ACER3: variants seen among roughly 807,000 people sequenced by gnomAD.
ACER3 encodes the protein alkCDase 3.
Under a neutral mutation model 48.9 loss-of-function variants are expected in ACER3, and 16 were observed. The observed-to-expected ratio is 0.33, with a 90% CI of 0.22 to 0.50. ACER3 has a LOEUF of 0.50. Ranked by LOEUF, ACER3 falls within the 20% of genes least tolerant of loss-of-function variation. The pLI is 0.98. For missense variants in ACER3, 227 were observed against 326.0 expected (o/e 0.70, Z 2.34); for synonymous variants, 109 against 107.8 (o/e 1.01, Z -0.07).
At chr11:76,907,070 GT>G (rs925403607) in intron 1 of ACER3, among the ~76,000 whole-genome samples, 8 of 151,774 alleles carry the variant, frequency 5.3e-5, no homozygotes, top group African/African-American at 1.9e-4. Flanking sequence ...TTCTCTCACT[GT>G]TTTTTTTCAC....
At chr11:76,882,936 C>A (rs1352511540) in intron 1 of ACER3, among the ~76,000 whole-genome samples, 3 of 152,236 alleles carry the variant, frequency 2.0e-5, no homozygotes, top group East Asian at 3.9e-4. Context: ...ATTTAGGGAT[C>A]CCTTCTTTGT....
At chr11:76,939,658 C>T (rs1947286955) in intron 2 of ACER3, among the ~76,000 whole-genome samples, 1 of 151,910 alleles carries the variant, frequency 6.6e-6, no homozygotes, top group African/African-American at 2.4e-5. Context: ...GTGTGATATA[C>T]CAAAAAGGAA....
chr11:76,898,299 TA>T (rs1161200361), intron 1 of ACER3, among the ~76,000 whole-genome samples: 2 of 152,226 alleles, frequency 1.3e-5, no homozygotes, highest in Admixed American at 1.3e-4. Context: ...TTTAACCTAC[TA>T]AAAAAGATTT....
rs1555024265 is a variant in ACER3, at chr11:77,020,550, C to T, written c.*223C>T. The T allele has an allele frequency of 1.9e-6, 1 of 514,386 alleles. No homozygotes were observed. The highest frequency in any genetic ancestry group is 3.5e-6 in the Non-Finnish European group (1 of 286,628). 31.9% of individuals were successfully genotyped at this position (514,386 alleles called of 1,614,324 possible). Reference sequence around the variant, plus strand: ...TTGTCCCCCTCCTCCTTTCACGCTCCAGTTTATAAAGAAACAGAGATGATG... The same window carrying T: ...TTGTCCCCCTCCTCCTTTCACGCTCTAGTTTATAAAGAAACAGAGATGATG... On this transcript the variant is annotated 3_prime_UTR_variant, in exon 11 of 11. Coordinates refer to ENST00000532485, the MANE Select transcript of ACER3 (RefSeq NM_018367.7).
intron 1 of ACER3, among the ~76,000 whole-genome samples, chr11:76,909,695 T>G (rs937723863): frequency 3.9e-5 from 6 of 152,156 alleles, no homozygotes; most frequent in African/African-American, 1.4e-4. Flanking sequence ...GTTCAACCAT[T>G]GTGGAAGACA....
chr11:76,957,326 ATTTT>A (rs1590988745), intron 2 of ACER3: 2 of 290,584 alleles, frequency 6.9e-6, no homozygotes, highest in East Asian at 2.1e-4. Flanking sequence ...TGATCAGTTA[ATTTT>A]TTTAAGTTGA....
At chr11:76,969,267 ATGGTGATCATTAAAAAGT>A (rs1376402502) in intron 3 of ACER3, among the ~76,000 whole-genome samples, 2 of 152,224 alleles carry the variant, frequency 1.3e-5, no homozygotes, top group African/African-American at 4.8e-5. Flanking sequence ...ACCAGTTAGA[ATGGTGATCATTAAAAAGT>A]CAGGAAACAA....
At chr11:76,968,185 A>G (rs995356612) in intron 3 of ACER3, among the ~76,000 whole-genome samples, 5 of 151,506 alleles carry the variant, frequency 3.3e-5, no homozygotes, top group African/African-American at 1.2e-4. Context: ...GTGAACTCCC[A>G]TTCACAATTG....
chr11:76,994,858 T>G (rs564787892), intron 6 of ACER3, among the ~76,000 whole-genome samples: 1 of 152,310 alleles, frequency 6.6e-6, no homozygotes, highest in South Asian at 2.1e-4. Flanking sequence ...GAGCCCTTTA[T>G]ACTATGCTTA....
intron 6 of ACER3, among the ~76,000 whole-genome samples, chr11:76,993,474 A>G (rs1241190433): frequency 2.6e-5 from 4 of 152,226 alleles, no homozygotes. Context: ...TAATTGCAGT[A>G]TATAAGTCTT....
intron 3 of ACER3, among the ~76,000 whole-genome samples, chr11:76,971,388 A>C (rs957525905): frequency 2.6e-5 from 4 of 152,014 alleles, no homozygotes; most frequent in African/African-American, 9.7e-5. Flanking sequence ...AAAAATACAA[A>C]CATTAGCTGG....
intron 1 of ACER3, among the ~76,000 whole-genome samples, chr11:76,861,937 T>C (rs1242948252): frequency 6.6e-6 from 1 of 152,240 alleles, no homozygotes; most frequent in Non-Finnish European, 1.5e-5. Context: ...GCTTGTTCTG[T>C]GTGCCTATGT....
intron 6 of ACER3, among the ~76,000 whole-genome samples, chr11:76,993,323 T>C (rs1948841588): frequency 6.6e-6 from 1 of 152,192 alleles, no homozygotes; most frequent in Non-Finnish European, 1.5e-5. Flanking sequence ...GAGGATTGAA[T>C]GAAATAATGT....
intron 1 of ACER3, among the ~76,000 whole-genome samples, chr11:76,900,816 T>C (rs908888806): frequency 2.6e-5 from 4 of 152,236 alleles, no homozygotes; most frequent in African/African-American, 9.6e-5. Flanking sequence ...TCCTGTGATG[T>C]AGTATCTATT....
At chr11:76,986,296 T>G (rs1344937000) in intron 5 of ACER3, among the ~76,000 whole-genome samples, 1 of 152,202 alleles carries the variant, frequency 6.6e-6, no homozygotes, top group Non-Finnish European at 1.5e-5. Flanking sequence ...TTTAGACATG[T>G]ACACAAAGAA....
chr11:76,935,716 C>T (rs1245549570), intron 2 of ACER3, among the ~76,000 whole-genome samples: 2 of 152,196 alleles, frequency 1.3e-5, no homozygotes, highest in African/African-American at 2.4e-5. Context: ...ATGACTGCTT[C>T]CTGATGAATC....
At chr11:76,870,641 A>G (rs1945220063) in intron 1 of ACER3, among the ~76,000 whole-genome samples, 1 of 152,196 alleles carries the variant, frequency 6.6e-6, no homozygotes, top group African/African-American at 2.4e-5. Context: ...GGTGCCATGA[A>G]TTTATTGTCA....
intron 8 of ACER3, among the ~76,000 whole-genome samples, chr11:77,015,520 C>T (rs913399501): frequency 8.5e-5 from 13 of 152,232 alleles, no homozygotes; most frequent in African/African-American, 3.1e-4. Context: ...GCAAGTGTTC[C>T]TTTTACCATC....
Position 76,970,459 on chromosome 11 carries a change from A to G in ACER3, c.268-5830A>G, listed in dbSNP as rs550055040. On this transcript the variant is annotated intron_variant, in intron 3 of 10. Transcript: ENST00000532485. ...GGCCTATCATCTTCAGAAGTATGAT[A>G]GTCATAAAATTCAAAGACTGATGAA... 4.6e-5 allele frequency among the ~76,000 whole-genome samples: 7 copies of G among 152,342 alleles called. No individual in the cohort carries two copies. The South Asian group carries it at 1.4e-3, about 32-fold the overall frequency.
Sources: allele counts gnomAD v4.1 joint callset (sites outside exome capture counted in the v4.1 genomes callset), GRCh38; gene constraint gnomAD v4.1.1; transcripts MANE v1.5; gene names NCBI Gene and HGNC (gene_info 2026-07-23, HGNC 2026-07-21).